Variants in SLC38A9 observed in about 807,000 individuals in gnomAD.
SLC38A9 encodes the protein solute carrier family 38 member 9.
In SLC38A9, 48 loss-of-function variants were observed where a neutral mutation model predicts 62.3. The observed-to-expected ratio is 0.77, with a 90% confidence interval of 0.61 to 0.98. The LOEUF (loss-of-function observed/expected upper bound fraction) is 0.98, where lower values mean the gene tolerates loss of function less well. Among genes scored for constraint, SLC38A9 ranks in the 50% least tolerant of loss-of-function variants. The pLI is 0.00. For synonymous variants in SLC38A9, 204 were observed against 227.7 expected, an observed-to-expected ratio of 0.90 and a Z score of 0.94; for missense variants, 541 against 679.8, an observed-to-expected ratio of 0.80 and a Z score of 2.27.
intron 4 of SLC38A9, among the ~76,000 whole-genome samples, chr5:55,672,093 C>G (rs1035480507): frequency 6.6e-6 from 1 of 152,098 alleles, no homozygotes; most frequent in Non-Finnish European, 1.5e-5. Context: ...CTCAAGTGAT[C>G]CTCTTGCCTT....
At chr5:55,681,349 T>C (rs13163908) in intron 3 of SLC38A9, among the ~76,000 whole-genome samples, 91,222 of 152,082 alleles carry the variant, frequency 0.6, 27,947 homozygotes, top group South Asian at 0.7. Context: ...ATTCCTAATA[T>C]GGAAGAGTGC....
Position 55,626,674 on chromosome 5 carries a change from C to T in SLC38A9, c.1521-15G>A, listed in dbSNP as rs1299740221. On this transcript the variant is annotated splice_polypyrimidine_tract_variant and intron_variant, in intron 15 of 15. Coordinates refer to ENST00000396865, the MANE Select transcript of SLC38A9 (RefSeq NM_173514.4). ...CTCCTGAATATCTGCAAAATAAAAG[C>T]TTTTGGGGTTAATATTCATCTTGCA... 3 of 1,579,090 alleles carry T rather than the reference C, an allele frequency of 1.9e-6. No individual in the cohort carries two copies. The highest frequency in any genetic ancestry group is 1.7e-6 in the Non-Finnish European group (2 of 1,165,738).
chr5:55,686,208 T>C (rs2150482765), intron 3 of SLC38A9, among the ~76,000 whole-genome samples: 1 of 152,338 alleles, frequency 6.6e-6, no homozygotes, highest in African/African-American at 2.4e-5. Context: ...CCACACTATC[T>C]TCCATAATGG....
chr5:55,711,861 C>A (rs935875880), intron 1 of SLC38A9, among the ~76,000 whole-genome samples: 3 of 152,196 alleles, frequency 2.0e-5, no homozygotes, highest in Non-Finnish European at 4.4e-5. Flanking sequence ...CTCCTACTCC[C>A]TCCTTCTCTC....
At chr5:55,669,166 C>G in intron 7 of SLC38A9, 62 bp downstream of exon 7, 3 of 1,221,772 alleles carry the variant, frequency 2.5e-6, no homozygotes, top group Non-Finnish European at 3.6e-6. Flanking sequence ...CACTAGTGAT[C>G]TGCCTCAAAG....
chr5:55,656,863 T>TC lies in SLC38A9; in HGVS notation c.698-90_698-89insG, dbSNP rs1337577723. On this transcript the variant is annotated intron_variant, in intron 8 of 15. Transcript: ENST00000396865. ...AAGGTCTTTTATTTATAAAAATCTT[T>TC]TTTTTTTCTTTCTTTGAGACGGAGT... The TC allele has an allele frequency of 4.8e-6, 3 of 628,008 alleles. No homozygotes were observed. In the African/African-American group the frequency reaches 5.9e-5, roughly 12 times the overall value. 38.9% of individuals were successfully genotyped at this position (628,008 alleles called of 1,614,324 possible).
intron 3 of SLC38A9, chr5:55,697,072 T>A (rs1202246335): frequency 6.7e-6 from 1 of 149,648 alleles, no homozygotes; most frequent in Non-Finnish European, 1.4e-5. Flanking sequence ...CTCCTCACTT[T>A]CCAGACTGGG....
chr5:55,707,908 T>G (rs927653603), intron 2 of SLC38A9, among the ~76,000 whole-genome samples: 1 of 152,178 alleles, frequency 6.6e-6, no homozygotes, highest in Non-Finnish European at 1.5e-5. Flanking sequence ...CCTTTTGTCT[T>G]TCCATCCCTT....
At chr5:55,646,549 G>T (rs1037874037) in intron 11 of SLC38A9, among the ~76,000 whole-genome samples, 1 of 151,996 alleles carries the variant, frequency 6.6e-6, no homozygotes, top group African/African-American at 2.4e-5. Flanking sequence ...TTATGAAAGG[G>T]CAAACTGGTC....
At chr5:55,698,114 G>A (rs1367736753) in intron 2 of SLC38A9, 122 bp from the exon 3 acceptor site, 3 of 463,026 alleles carry the variant, frequency 6.5e-6, no homozygotes, top group Non-Finnish European at 1.1e-5. Context: ...TCTTAATGAG[G>A]TATATGCCTG....
At position 55,627,971 on chromosome 5, in the gene SLC38A9, A is replaced by G. The variant is rs79877896; in HGVS notation, c.1440T>C (p.His480=). Residue 480 remains histidine (H), a synonymous_variant, in exon 15 of 16, where the codon CAT becomes CAC. Transcript: ENST00000396865. The part of the protein sequence containing the change: ...IFGDIYPSIF[H]VLILNLIIVG... The stretch of plus-strand genomic sequence containing the variant: ...CAATAATTAGATTAAGAATCAGCAC[A>G]TGGAAAATGCTAGAAGTTGAGAAGA... 1.2e-3 allele frequency: 1,924 copies of G among 1,611,298 alleles called. 22 individuals carry two copies. The African/African-American group carries it at 0.024, about 20-fold the overall frequency.
At chr5:55,650,360 A>G (rs1747166301) in intron 10 of SLC38A9, among the ~76,000 whole-genome samples, 1 of 152,214 alleles carries the variant, frequency 6.6e-6, no homozygotes, top group African/African-American at 2.4e-5. Flanking sequence ...CCTCTAATGA[A>G]GCTATGGTTT....
intron 3 of SLC38A9, among the ~76,000 whole-genome samples, chr5:55,693,787 G>A (rs7726902): frequency 0.6 from 90,925 of 151,740 alleles, 27,802 homozygotes; most frequent in South Asian, 0.7. Flanking sequence ...AGAGCCAGGC[G>A]TGGTGACTCA....
chr5:55,637,621 A>G (rs1381763623), intron 12 of SLC38A9, among the ~76,000 whole-genome samples: 1 of 152,152 alleles, frequency 6.6e-6, no homozygotes, highest in Non-Finnish European at 1.5e-5. Flanking sequence ...TATCCCCAAT[A>G]CCCAGGACCA....
At chr5:55,649,174 T>C in intron 11 of SLC38A9, 33 bp downstream of exon 11, 1 of 1,221,016 alleles carries the variant, frequency 8.2e-7, no homozygotes, top group Non-Finnish European at 1.2e-6. Context: ...AAGATCACAT[T>C]ATTATAATTT....
intron 15 of SLC38A9, 97 bp from the exon 16 acceptor site, chr5:55,626,756 T>G: frequency 5.5e-6 from 6 of 1,082,704 alleles, no homozygotes; most frequent in Non-Finnish European, 6.3e-6. Context: ...CTCAGTCTGA[T>G]AGCTCAACAA....
chr5:55,681,140 C>T (rs985221574), intron 3 of SLC38A9, among the ~76,000 whole-genome samples: 7 of 152,152 alleles, frequency 4.6e-5, no homozygotes, highest in Admixed American at 3.3e-4. Flanking sequence ...ATATATATTA[C>T]GAACCTTAAT....
chr5:55,635,151 G>C (rs1744131013), intron 13 of SLC38A9: 1 of 192,286 alleles, frequency 5.2e-6, no homozygotes, highest in Non-Finnish European at 1.1e-5. Flanking sequence ...TCCTGATACA[G>C]GCTTTTAAAA....
intron 8 of SLC38A9, among the ~76,000 whole-genome samples, chr5:55,660,875 C>T (rs1749394694): frequency 6.6e-6 from 1 of 152,008 alleles, no homozygotes; most frequent in Non-Finnish European, 1.5e-5. Flanking sequence ...AAAAACACTA[C>T]TATAGATGAT....
Sources: allele counts gnomAD v4.1 joint callset (sites outside exome capture counted in the v4.1 genomes callset), GRCh38; gene constraint gnomAD v4.1.1; transcripts MANE v1.5; gene names NCBI Gene and HGNC (gene_info 2026-07-23, HGNC 2026-07-21).